Variants in SCHIP1 observed in about 807,000 individuals in gnomAD.
SCHIP1 encodes the protein schwannomin interacting protein 1.
In SCHIP1, 8 loss-of-function variants were observed where a neutral mutation model predicts 29.7. The ratio of observed to expected loss-of-function variants is 0.27; its 90% CI spans 0.16 to 0.49. The LOEUF is 0.49. Ranked by LOEUF, SCHIP1 falls within the 20% of genes least tolerant of loss-of-function variation. The pLI, the probability that SCHIP1 is intolerant of heterozygous loss-of-function variation, is 0.99. For missense variants in SCHIP1, 193 were observed against 294.6 expected (o/e 0.66, Z 2.52); for synonymous variants, 76 against 94.9 (o/e 0.80, Z 1.16).
the SCHIP1 span, among the ~76,000 whole-genome samples, chr3:159,594,310 GCTTTGT>G: frequency 1.3e-5 from 2 of 152,200 alleles, no homozygotes; most frequent in Non-Finnish European, 2.9e-5. Flanking sequence ...GAGCAAATGT[GCTTTGT>G]CTTTGAGCTT....
At chr3:159,501,772 G>T in the SCHIP1 span, among the ~76,000 whole-genome samples, 1 of 152,158 alleles carries the variant, frequency 6.6e-6, no homozygotes, top group African/African-American at 2.4e-5. Context: ...TGAAAAACTA[G>T]TGGCATCACT....
At chr3:159,525,334 C>G in the SCHIP1 span, among the ~76,000 whole-genome samples, 1 of 152,184 alleles carries the variant, frequency 6.6e-6, no homozygotes, top group East Asian at 1.9e-4. Context: ...CACTGCTGTA[C>G]CTTTAGTGCC....
the SCHIP1 span, among the ~76,000 whole-genome samples, chr3:159,336,840 C>T: frequency 1.1e-4 from 17 of 152,040 alleles, no homozygotes; most frequent in South Asian, 4.1e-4. Context: ...TTTTTTGATT[C>T]CATGTGAACT....
the SCHIP1 span, among the ~76,000 whole-genome samples, chr3:159,739,978 C>G: frequency 0.79 from 120,586 of 152,176 alleles, 48,038 homozygotes; most frequent in Middle Eastern, 0.91. Context: ...CTCACAAATA[C>G]TTTCCAGGTG....
the SCHIP1 span, among the ~76,000 whole-genome samples, chr3:159,565,059 G>GT: frequency 1.7e-4 from 26 of 151,858 alleles, 1 homozygote; most frequent in Non-Finnish European, 2.9e-5. Context: ...ATGCAATGTT[G>GT]TTTTTTTAAA....
chr3:159,425,774 T>C, the SCHIP1 span, among the ~76,000 whole-genome samples: 3 of 152,172 alleles, frequency 2.0e-5, no homozygotes, highest in South Asian at 4.1e-4. Context: ...TATTCCAAAA[T>C]TGACCACATA....
At chr3:159,477,920 CT>C in the SCHIP1 span, among the ~76,000 whole-genome samples, 1,141 of 98,262 alleles carry the variant, frequency 0.012, 3 homozygotes, top group African/African-American at 0.033. Flanking sequence ...CATTTTAAAT[CT>C]TTTTTTTTTT....
At chr3:159,676,301 AG>A in the SCHIP1 span, among the ~76,000 whole-genome samples, 1,169 of 152,324 alleles carry the variant, frequency 7.7e-3, 20 homozygotes, top group African/African-American at 0.027. Flanking sequence ...TCAATTACTC[AG>A]ATTATGCTGA....
the SCHIP1 span, among the ~76,000 whole-genome samples, chr3:159,350,206 A>T: frequency 6.6e-6 from 1 of 152,166 alleles, no homozygotes; most frequent in African/African-American, 2.4e-5. Context: ...CTGCAGTTAG[A>T]AAACTGAAAC....
chr3:159,343,480 G>A, the SCHIP1 span, among the ~76,000 whole-genome samples: 1 of 152,198 alleles, frequency 6.6e-6, no homozygotes, highest in Non-Finnish European at 1.5e-5. Flanking sequence ...GCTTAGAACT[G>A]GGTTCACATC....
the SCHIP1 span, among the ~76,000 whole-genome samples, chr3:159,382,756 T>C: frequency 2.6e-5 from 4 of 152,192 alleles, no homozygotes; most frequent in African/African-American, 4.8e-5. Flanking sequence ...CTCCACATCC[T>C]CTCCAGCACC....
the SCHIP1 span, among the ~76,000 whole-genome samples, chr3:159,377,232 G>C: frequency 6.6e-6 from 1 of 152,126 alleles, no homozygotes; most frequent in Non-Finnish European, 1.5e-5. Context: ...CTATTAACTT[G>C]CTTAGTTTCC....
the SCHIP1 span, among the ~76,000 whole-genome samples, chr3:159,821,829 C>T: frequency 1.3e-4 from 20 of 152,236 alleles, no homozygotes; most frequent in African/African-American, 4.6e-4. Flanking sequence ...TCATTTGGGG[C>T]CGTTATTAGG....
At chr3:159,708,965 C>A in the SCHIP1 span, among the ~76,000 whole-genome samples, 2 of 152,320 alleles carry the variant, frequency 1.3e-5, no homozygotes, top group African/African-American at 4.8e-5. Context: ...CCTTCAACAG[C>A]TGAACCCAAT....
chr3:159,778,127 G>A, the SCHIP1 span, among the ~76,000 whole-genome samples: 25 of 152,084 alleles, frequency 1.6e-4, no homozygotes, highest in East Asian at 5.8e-4. Context: ...GACTACAGGC[G>A]CCCGCCAGCG....
chr3:159,346,467 C>G, the SCHIP1 span, among the ~76,000 whole-genome samples: 1 of 152,008 alleles, frequency 6.6e-6, no homozygotes, highest in South Asian at 2.1e-4. Flanking sequence ...AGCATATTGT[C>G]AGTCATATAA....
At chr3:159,874,298 A>G (rs1399585303) in intron 2 of SCHIP1, among the ~76,000 whole-genome samples, 3 of 152,232 alleles carry the variant, frequency 2.0e-5, no homozygotes, top group Non-Finnish European at 4.4e-5. Flanking sequence ...AAGGCTGAAT[A>G]TTATGAAAAA....
the SCHIP1 span, among the ~76,000 whole-genome samples, chr3:159,332,204 A>G: frequency 1.3e-5 from 2 of 152,208 alleles, no homozygotes; most frequent in Non-Finnish European, 2.9e-5. Context: ...CACCTAGCAC[A>G]ATACCTGTTC....
chr3:159,349,064 AT>A, the SCHIP1 span, among the ~76,000 whole-genome samples: 1 of 152,194 alleles, frequency 6.6e-6, no homozygotes, highest in East Asian at 1.9e-4. Flanking sequence ...CTGTCATAGA[AT>A]TGGGATATTA....
Sources: allele counts gnomAD v4.1 joint callset (sites outside exome capture counted in the v4.1 genomes callset), GRCh38; gene constraint gnomAD v4.1.1; transcripts MANE v1.5; gene names NCBI Gene and HGNC (gene_info 2026-07-23, HGNC 2026-07-21).